Variants in HS6ST3 observed in about 807,000 individuals in gnomAD.
HS6ST3 encodes the protein heparan sulfate 6-O-sulfotransferase 3.
In HS6ST3, 12 loss-of-function variants were observed where a neutral mutation model predicts 36.7. The ratio of observed to expected loss-of-function variants is 0.33; its 90% confidence interval spans 0.21 to 0.53. HS6ST3 has a LOEUF of 0.53. HS6ST3 is among the 20% of genes least tolerant of loss of function. The pLI is 0.95. For synonymous variants in HS6ST3, 240 were observed against 257.5 expected, an observed-to-expected ratio of 0.93 and a Z score of 0.65; for missense variants, 584 against 640.9, an observed-to-expected ratio of 0.91 and a Z score of 0.96.
At chr13:96,479,266 A>G (rs990214676) in intron 1 of HS6ST3, among the ~76,000 whole-genome samples, 2 of 152,204 alleles carry the variant, frequency 1.3e-5, no homozygotes, top group Non-Finnish European at 2.9e-5. Context: ...GTGTTTCAGG[A>G]AGATGGAACA....
intron 1 of HS6ST3, among the ~76,000 whole-genome samples, chr13:96,676,774 T>G (rs1054648743): frequency 2.0e-5 from 3 of 152,178 alleles, no homozygotes; most frequent in Non-Finnish European, 4.4e-5. Flanking sequence ...TCAAGATAAA[T>G]GACACCTTCT....
At chr13:96,141,119 G>C (rs1163716099) in intron 1 of HS6ST3, among the ~76,000 whole-genome samples, 1 of 152,178 alleles carries the variant, frequency 6.6e-6, no homozygotes, top group Non-Finnish European at 1.5e-5. Flanking sequence ...ATTTAAGACA[G>C]GAAAAGACAG....
intron 1 of HS6ST3, among the ~76,000 whole-genome samples, chr13:96,802,444 A>G (rs1055973777): frequency 1.3e-5 from 2 of 152,194 alleles, no homozygotes; most frequent in African/African-American, 4.8e-5. Context: ...TTGTGAGGAA[A>G]AGCTTTTCAG....
chr13:96,174,998 A>T (rs1376927776), intron 1 of HS6ST3, among the ~76,000 whole-genome samples: 1 of 152,222 alleles, frequency 6.6e-6, no homozygotes, highest in Non-Finnish European at 1.5e-5. Context: ...TTCCAGTTTA[A>T]AAAATTATGG....
chr13:96,664,849 C>G (rs1217404828), intron 1 of HS6ST3, among the ~76,000 whole-genome samples: 1 of 152,072 alleles, frequency 6.6e-6, no homozygotes, highest in Non-Finnish European at 1.5e-5. Context: ...TCTATTTCTT[C>G]TTTTTCTTCT....
At chr13:96,640,430 C>T (rs538105514) in intron 1 of HS6ST3, among the ~76,000 whole-genome samples, 13 of 151,632 alleles carry the variant, frequency 8.6e-5, no homozygotes, top group Non-Finnish European at 1.8e-4. Context: ...TTTGCTTGTT[C>T]AATTATTTAA....
chr13:96,503,447 G>C (rs1281436352), intron 1 of HS6ST3, among the ~76,000 whole-genome samples: 2 of 152,132 alleles, frequency 1.3e-5, no homozygotes, highest in Non-Finnish European at 2.9e-5. Flanking sequence ...GGAAAGGATA[G>C]GAGAGTGTAA....
chr13:96,127,094 T>C (rs2053955776), intron 1 of HS6ST3, among the ~76,000 whole-genome samples: 1 of 152,182 alleles, frequency 6.6e-6, no homozygotes, highest in Non-Finnish European at 1.5e-5. Context: ...ATGGACTGAA[T>C]GTTTATGTCC....
chr13:96,416,462 C>A (rs1406246719), intron 1 of HS6ST3, among the ~76,000 whole-genome samples: 9 of 152,090 alleles, frequency 5.9e-5, no homozygotes, highest in Admixed American at 5.9e-4. Flanking sequence ...ACAACAAAAA[C>A]AACCTATGGA....
At chr13:96,127,487 G>A (rs1307774246) in intron 1 of HS6ST3, among the ~76,000 whole-genome samples, 2 of 152,264 alleles carry the variant, frequency 1.3e-5, no homozygotes, top group African/African-American at 2.4e-5. Flanking sequence ...GGTGTTGCTC[G>A]CTTGCCTGCC....
At chr13:96,743,487 T>C (rs1031992397) in intron 1 of HS6ST3, among the ~76,000 whole-genome samples, 2 of 152,106 alleles carry the variant, frequency 1.3e-5, no homozygotes, top group African/African-American at 4.8e-5. Context: ...AAGCTTCCTC[T>C]ATTCTTCTCT....
At chr13:96,160,364 T>C (rs1247135095) in intron 1 of HS6ST3, among the ~76,000 whole-genome samples, 3 of 152,216 alleles carry the variant, frequency 2.0e-5, no homozygotes, top group Non-Finnish European at 2.9e-5. Flanking sequence ...TAATTAGTTA[T>C]GTTCTAGAAG....
chr13:96,263,536 C>A (rs980067637), intron 1 of HS6ST3, among the ~76,000 whole-genome samples: 1 of 152,116 alleles, frequency 6.6e-6, no homozygotes, highest in South Asian at 2.1e-4. Context: ...TTTGGGAATA[C>A]CTTTCTGGCC....
intron 1 of HS6ST3, among the ~76,000 whole-genome samples, chr13:96,368,879 T>C (rs2139439699): frequency 6.6e-6 from 1 of 152,270 alleles, no homozygotes; most frequent in African/African-American, 2.4e-5. Context: ...TAATTAACAA[T>C]CCAAGTCTTT....
At chr13:96,502,616 A>G (rs2056009625) in intron 1 of HS6ST3, among the ~76,000 whole-genome samples, 1 of 152,184 alleles carries the variant, frequency 6.6e-6, no homozygotes, top group Middle Eastern at 3.2e-3. Context: ...CACTGGAGTC[A>G]GATATACAAT....
At chr13:96,493,475 T>C (rs2055957059) in intron 1 of HS6ST3, among the ~76,000 whole-genome samples, 1 of 152,228 alleles carries the variant, frequency 6.6e-6, no homozygotes, top group Non-Finnish European at 1.5e-5. Context: ...ATTATATTCA[T>C]TTTTTACAGC....
At chr13:96,352,198 C>T (rs1318469142) in intron 1 of HS6ST3, among the ~76,000 whole-genome samples, 1 of 152,168 alleles carries the variant, frequency 6.6e-6, no homozygotes, top group African/African-American at 2.4e-5. Flanking sequence ...CAAATTAACC[C>T]AAATTCGATG....
intron 1 of HS6ST3, among the ~76,000 whole-genome samples, chr13:96,337,497 T>G (rs980203883): frequency 4.6e-5 from 7 of 152,220 alleles, no homozygotes; most frequent in African/African-American, 1.4e-4. Flanking sequence ...GTTTTCATTG[T>G]TTCCAGTTTC....
intron 1 of HS6ST3, among the ~76,000 whole-genome samples, chr13:96,706,441 A>AT (rs1875428838): frequency 2.8e-5 from 4 of 142,466 alleles, no homozygotes; most frequent in South Asian, 2.2e-4. Context: ...ATATATATAT[A>AT]ATCAGGGAAA....
Sources: allele counts gnomAD v4.1 joint callset (sites outside exome capture counted in the v4.1 genomes callset), GRCh38; gene constraint gnomAD v4.1.1; transcripts MANE v1.5; gene names NCBI Gene and HGNC (gene_info 2026-07-23, HGNC 2026-07-21).